TIMM9: variants seen among roughly 807,000 people sequenced by gnomAD.
TIMM9 encodes mitochondrial import inner membrane translocase subunit Tim9.
In TIMM9, 10 loss-of-function variants were observed where a neutral mutation model predicts 13.4. That is an observed-to-expected ratio of 0.75 (90% CI 0.46 to 1.26). The LOEUF is 1.26. Ranked by LOEUF, TIMM9 falls within the 50% of genes most tolerant of loss-of-function variation. The pLI is 0.00. For synonymous variants in TIMM9, 32 were observed against 32.1 expected (o/e 1.00, Z 0.01); for missense variants, 87 against 100.8 (o/e 0.86, Z 0.58).
intron 3 of TIMM9, among the ~76,000 whole-genome samples, chr14:58,419,375 A>T (rs548657738): frequency 6.6e-6 from 1 of 150,586 alleles, no homozygotes; most frequent in Admixed American, 6.6e-5. Context: ...GAATCATTTG[A>T]GCCTGGGAGG....
chr14:58,415,321 A>AATC (rs1236409349), intron 3 of TIMM9, among the ~76,000 whole-genome samples: 3 of 152,236 alleles, frequency 2.0e-5, no homozygotes, highest in Non-Finnish European at 4.4e-5. Context: ...TATATTAAAA[A>AATC]ATCACTCATC....
chr14:58,425,193 G>A (rs958400447), intron 2 of TIMM9, among the ~76,000 whole-genome samples: 1 of 151,894 alleles, frequency 6.6e-6, no homozygotes, highest in Non-Finnish European at 1.5e-5. Context: ...GGCAGATCAC[G>A]TGCGGTCAGG....
intron 3 of TIMM9, among the ~76,000 whole-genome samples, chr14:58,419,487 A>G (rs1218051246): frequency 6.6e-6 from 1 of 150,874 alleles, no homozygotes; most frequent in Non-Finnish European, 1.5e-5. Context: ...ACACACACAC[A>G]CACACACACA....
Position 58,408,610 on chromosome 14 carries a change from G to T in TIMM9, c.*424C>A, listed in dbSNP as rs1262174701. On this transcript the variant is annotated 3_prime_UTR_variant, in exon 6 of 6. Transcript: ENST00000395159. Reference sequence around the variant, plus strand: ...AACATTTCAACGTATCCACAGTCCAGTGAGAATACTATGGTACCATACAGT... The same window carrying T: ...AACATTTCAACGTATCCACAGTCCATTGAGAATACTATGGTACCATACAGT... The T allele has an allele frequency of 3.7e-6, 6 of 1,603,614 alleles. No individual in the cohort carries two copies. The highest frequency in any genetic ancestry group is 4.3e-6 in the Non-Finnish European group (5 of 1,171,076).
At chr14:58,417,938 A>C (rs1032358251) in intron 3 of TIMM9, among the ~76,000 whole-genome samples, 2 of 152,196 alleles carry the variant, frequency 1.3e-5, no homozygotes, top group Admixed American at 1.3e-4. Flanking sequence ...GGAATATTAC[A>C]AACAACTCTA....
chr14:58,424,934 T>A (rs543023706), intron 2 of TIMM9, among the ~76,000 whole-genome samples: 1 of 152,262 alleles, frequency 6.6e-6, no homozygotes, highest in South Asian at 2.1e-4. Flanking sequence ...CATTAGGTAT[T>A]TCTTGGTGGG....
chr14:58,419,449 C>T lies in TIMM9; in HGVS notation c.-27+4559G>A, dbSNP rs145458977. Among the ~76,000 whole-genome samples, 349 of 100,336 alleles carry T rather than the reference C, an allele frequency of 3.5e-3. 14 individuals carry two copies. In the East Asian group the frequency reaches 0.075, roughly 22 times the overall value. The allele number at this position is 100,336 out of a possible 152,430, so 65.8% of individuals were successfully genotyped here. A position where few individuals can be genotyped will look rare whatever the true frequency, so the allele number is the denominator to read the frequency against. On this transcript the variant is annotated intron_variant, in intron 3 of 5. Transcript: ENST00000395159. ...CAGTCTGGAAAATAGAGTGAGACCCCGTCACACACACACACACACACACAC... is the reference window on the plus strand; with the variant it reads ...CAGTCTGGAAAATAGAGTGAGACCCTGTCACACACACACACACACACACAC...
chr14:58,421,742 T>C (rs2036593707), intron 3 of TIMM9, among the ~76,000 whole-genome samples: 1 of 151,958 alleles, frequency 6.6e-6, no homozygotes, highest in African/African-American at 2.4e-5. Flanking sequence ...TAAAACAACT[T>C]CTAAAGAAGT....
In TIMM9 at chr14:58,423,632, T is replaced by G. The variant is rs925537047; in HGVS notation, c.-27+376A>C. Among the ~76,000 whole-genome samples the G allele has an allele frequency of 3.9e-5, 6 of 152,246 alleles. No homozygotes were observed. In the East Asian group the frequency reaches 1.2e-3, roughly 29 times the overall value. The stretch of plus-strand genomic sequence containing the variant: ...TGATTTTCAGAGTTACTTGCTAATT[T>G]GAGGTCTTCTAAATTTTTCACTATT... On this transcript the variant is annotated intron_variant, in intron 3 of 5. Transcript: ENST00000395159.
rs528466274 is a variant in TIMM9, at chr14:58,418,555, C to T, written c.-27+5453G>A. 1.7e-3 allele frequency among the ~76,000 whole-genome samples: 256 copies of T among 152,076 alleles called. 1 individual carries two copies. The highest frequency in any genetic ancestry group is 3.4e-3 in the Middle Eastern group (1 of 294). On this transcript the variant is annotated intron_variant, in intron 3 of 5. Coordinates refer to ENST00000395159, the MANE Select transcript of TIMM9 (RefSeq NM_012460.4). ...TAATATAATTATGAACATGCAAAAT[C>T]GAAAGAATCTACAAATAAACTCCTA...
chr14:58,409,150 A>T lies in TIMM9; in HGVS notation c.154T>A (p.Cys52Ser). The T allele has an allele frequency of 6.2e-7, 1 of 1,613,956 alleles. No individual in the cohort carries two copies. Among genetic ancestry groups the T allele is most frequent in the Non-Finnish European group, 8.5e-7 (1 of 1,179,956 alleles). Reference sequence around the variant, plus strand: ...GTCATTTTTAAATATTTCTGTAAGCAATGTTCTGAACAGGTGGTCTAGGAA... The same window carrying T: ...GTCATTTTTAAATATTTCTGTAAGCTATGTTCTGAACAGGTGGTCTAGGAA... Reference protein sequence around the residue: ...KPEETTCSEHCLQKYLKMTQR... With the variant: ...KPEETTCSEHSLQKYLKMTQR... Residue 52 changes from cysteine (C) to serine (S), a missense_variant, in exon 6 of 6, where the codon TGC (cysteine) becomes AGC (serine). Physicochemically the swap from Cys to Ser is moderately radical, Grantham distance 112. Coordinates refer to ENST00000395159, the MANE Select transcript of TIMM9 (RefSeq NM_012460.4).
Position 58,427,232 on chromosome 14 carries a change from C to A in TIMM9, c.-293G>T. The A allele has an allele frequency of 4.8e-6, 1 of 209,358 alleles. No homozygotes were observed. The highest frequency in any genetic ancestry group is 6.0e-5 in the South Asian group (1 of 16,724). 13.0% of individuals were successfully genotyped at this position (209,358 alleles called of 1,614,324 possible). On this transcript the variant is annotated 5_prime_UTR_variant, in exon 2 of 6. Transcript: ENST00000395159. ...ACCCTTAGACGCCGATTCGTTATAACGCGAGGAAATCTAGAAGAAAAAGCA... is the reference window on the plus strand; with the variant it reads ...ACCCTTAGACGCCGATTCGTTATAAAGCGAGGAAATCTAGAAGAAAAAGCA...
intron 4 of TIMM9, among the ~76,000 whole-genome samples, 179 bp from the exon 5 acceptor site, chr14:58,411,117 A>G (rs1395901443): frequency 6.6e-6 from 1 of 152,208 alleles, no homozygotes; most frequent in African/African-American, 2.4e-5. Context: ...TTCTAGTTGA[A>G]TATTTAATTT....
chr14:58,408,505 G>GT lies in TIMM9; in HGVS notation c.*528dup, dbSNP rs2036103814. ...GATCATGCATTGAAATGATTAGCAA[G>GT]TAACTATTTTATGTATTCACCAGCA... On this transcript the variant is annotated 3_prime_UTR_variant, in exon 6 of 6. Transcript: ENST00000395159. The GT allele has an allele frequency of 1.9e-6, 3 of 1,607,302 alleles. No homozygotes were observed. The highest frequency in any genetic ancestry group is 8.5e-7 in the Non-Finnish European group (1 of 1,174,150).
intron 5 of TIMM9, among the ~76,000 whole-genome samples, chr14:58,410,562 G>C (rs1423429654): frequency 6.6e-6 from 1 of 152,224 alleles, no homozygotes; most frequent in Non-Finnish European, 1.5e-5. Context: ...CATCTTGGCT[G>C]AAAGCTAATT....
intron 2 of TIMM9, among the ~76,000 whole-genome samples, chr14:58,425,833 T>C (rs1349254971): frequency 6.6e-6 from 1 of 151,968 alleles, no homozygotes; most frequent in Non-Finnish European, 1.5e-5. Flanking sequence ...AAATAAAAAA[T>C]AATGGCCACG....
intron 3 of TIMM9, among the ~76,000 whole-genome samples, chr14:58,415,996 G>A (rs1187474507): frequency 6.0e-5 from 9 of 150,716 alleles, no homozygotes; most frequent in Non-Finnish European, 7.4e-5. Flanking sequence ...CGGGTGGGTC[G>A]ATTGAGGTCA....
chr14:58,421,651 A>C (rs555470584), intron 3 of TIMM9, among the ~76,000 whole-genome samples: 6 of 152,350 alleles, frequency 3.9e-5, no homozygotes, highest in African/African-American at 1.4e-4. Flanking sequence ...GCAGCGTGGT[A>C]GATACTGTTA....
intron 3 of TIMM9, among the ~76,000 whole-genome samples, chr14:58,415,015 G>A (rs972758031): frequency 1.3e-5 from 2 of 152,170 alleles, no homozygotes; most frequent in African/African-American, 4.8e-5. Flanking sequence ...TGTAATGTCA[G>A]TGGAGGCCAC....
Sources: allele counts gnomAD v4.1 joint callset (sites outside exome capture counted in the v4.1 genomes callset), GRCh38; gene constraint gnomAD v4.1.1; transcripts MANE v1.5; gene names NCBI Gene and HGNC (gene_info 2026-07-23, HGNC 2026-07-21).